Variants in ARHGAP28 observed in about 807,000 individuals in gnomAD.
ARHGAP28 encodes Rho GTPase activating protein 28.
In ARHGAP28, 56 loss-of-function variants were observed where a neutral mutation model predicts 90.7. The observed-to-expected ratio is 0.62, with a 90% CI of 0.50 to 0.77. The LOEUF (loss-of-function observed/expected upper bound fraction) is 0.77, where lower values mean the gene tolerates loss of function less well. Ranked by LOEUF, ARHGAP28 falls within the 30% of genes least tolerant of loss-of-function variation. The probability of loss-of-function intolerance (pLI) is 0.00; values close to 1 mark genes in which losing one functional copy is unlikely to be tolerated. For synonymous variants in ARHGAP28, 308 were observed against 323.3 expected, an observed-to-expected ratio of 0.95 and a Z score of 0.51; for missense variants, 869 against 900.9, an observed-to-expected ratio of 0.96 and a Z score of 0.45.
intron 16 of ARHGAP28, among the ~76,000 whole-genome samples, chr18:6,907,401 A>C (rs1454984612): frequency 6.6e-6 from 1 of 151,808 alleles, no homozygotes; most frequent in Non-Finnish European, 1.5e-5. Flanking sequence ...CTGGAAAAAA[A>C]AAAAAAAAGC....
At chr18:6,840,480 A>G (rs981638254) in intron 3 of ARHGAP28, among the ~76,000 whole-genome samples, 2 of 152,184 alleles carry the variant, frequency 1.3e-5, no homozygotes, top group African/African-American at 2.4e-5. Flanking sequence ...TTCTTCTTTC[A>G]TTTAGACCAC....
intron 1 of ARHGAP28, among the ~76,000 whole-genome samples, chr18:6,799,326 G>A (rs1023047478): frequency 6.6e-6 from 1 of 152,082 alleles, no homozygotes; most frequent in Non-Finnish European, 1.5e-5. Context: ...GTAATTTGTA[G>A]ATTCAGTGCT....
At chr18:6,829,610 A>G (rs1429445373) in intron 2 of ARHGAP28, among the ~76,000 whole-genome samples, 1 of 152,238 alleles carries the variant, frequency 6.6e-6, no homozygotes, top group African/African-American at 2.4e-5. Flanking sequence ...CAAGATAGAT[A>G]ACATTTCAGT....
At chr18:6,840,926 T>G (rs1241687596) in intron 3 of ARHGAP28, among the ~76,000 whole-genome samples, 6 of 152,078 alleles carry the variant, frequency 3.9e-5, no homozygotes, top group Non-Finnish European at 8.8e-5. Flanking sequence ...TGAAAAAATA[T>G]TTACAATATA....
chr18:6,794,585 T>C (rs1050934680), intron 1 of ARHGAP28, among the ~76,000 whole-genome samples: 7 of 152,360 alleles, frequency 4.6e-5, no homozygotes, highest in African/African-American at 1.7e-4. Flanking sequence ...TAAATTCTTT[T>C]AGATTTGCTT....
At chr18:6,867,972 A>G (rs1567975733) in intron 5 of ARHGAP28, among the ~76,000 whole-genome samples, 178 bp from the exon 6 acceptor site, 1 of 152,236 alleles carries the variant, frequency 6.6e-6, no homozygotes, top group Non-Finnish European at 1.5e-5. Flanking sequence ...TGTAAGCTGC[A>G]CACATCCAAA....
chr18:6,840,300 G>A (rs1333688984), intron 3 of ARHGAP28, among the ~76,000 whole-genome samples: 2 of 152,124 alleles, frequency 1.3e-5, no homozygotes, highest in Non-Finnish European at 2.9e-5. Flanking sequence ...AGATGCTTCA[G>A]ACTTTGAATT....
chr18:6,839,598 T>G (rs971342369), intron 3 of ARHGAP28, among the ~76,000 whole-genome samples: 4 of 152,180 alleles, frequency 2.6e-5, no homozygotes, highest in Admixed American at 1.3e-4. Context: ...CGCCCGGCCA[T>G]AATTTTTTTA....
intron 4 of ARHGAP28, among the ~76,000 whole-genome samples, chr18:6,851,777 G>C (rs1212661713): frequency 6.6e-6 from 1 of 152,148 alleles, no homozygotes; most frequent in African/African-American, 2.4e-5. Flanking sequence ...TAATTATACT[G>C]TGTGAAAGAA....
intron 16 of ARHGAP28, among the ~76,000 whole-genome samples, chr18:6,900,565 C>T (rs1031547185): frequency 3.0e-4 from 46 of 151,752 alleles, no homozygotes; most frequent in African/African-American, 9.7e-4. Context: ...AAGATAACAG[C>T]GGATAGAATT....
chr18:6,730,041 A>C (rs1171652211), intron 1 of ARHGAP28, 98 bp downstream of exon 1: 3 of 1,187,698 alleles, frequency 2.5e-6, no homozygotes, highest in Non-Finnish European at 3.2e-6. Flanking sequence ...GACCGCCGTC[A>C]CTGGATGTTG....
chr18:6,861,092 T>G (rs1195894035), intron 5 of ARHGAP28, among the ~76,000 whole-genome samples: 1 of 152,246 alleles, frequency 6.6e-6, no homozygotes, highest in Non-Finnish European at 1.5e-5. Context: ...TGACCTGCAG[T>G]AGATCTTACA....
At chr18:6,871,018 T>C (rs1171500785) in intron 7 of ARHGAP28, among the ~76,000 whole-genome samples, 1 of 152,210 alleles carries the variant, frequency 6.6e-6, no homozygotes, top group Non-Finnish European at 1.5e-5. Flanking sequence ...GCCAGGATGG[T>C]CTCGATCTCC....
chr18:6,900,698 T>C (rs2057333903), intron 16 of ARHGAP28, among the ~76,000 whole-genome samples: 1 of 85,984 alleles, frequency 1.2e-5, no homozygotes, highest in South Asian at 4.9e-4. Context: ...GAGCTAAATA[T>C]CATACAATCA....
At chr18:6,743,597 T>C (rs548314997) in intron 1 of ARHGAP28, among the ~76,000 whole-genome samples, 68 of 152,242 alleles carry the variant, frequency 4.5e-4, no homozygotes, top group African/African-American at 1.6e-3. Context: ...ATAACATGCA[T>C]AGAAATAAGA....
chr18:6,898,332 C>G, intron 16 of ARHGAP28: 1 of 581,850 alleles, frequency 1.7e-6, no homozygotes, highest in Non-Finnish European at 2.9e-6. Flanking sequence ...GATGTGTTCA[C>G]TTTGTGAAAA....
At chr18:6,764,100 T>C (rs2056182355) in intron 1 of ARHGAP28, among the ~76,000 whole-genome samples, 1 of 152,142 alleles carries the variant, frequency 6.6e-6, no homozygotes, top group African/African-American at 2.4e-5. Flanking sequence ...GGAGTCCTCG[T>C]AGACATGAAA....
chr18:6,828,471 T>G (rs763434532), intron 2 of ARHGAP28, among the ~76,000 whole-genome samples: 16 of 152,306 alleles, frequency 1.1e-4, no homozygotes, highest in Middle Eastern at 3.4e-3. Flanking sequence ...GAAATTGCCT[T>G]TGGGAACTTG....
intron 4 of ARHGAP28, among the ~76,000 whole-genome samples, chr18:6,851,447 A>T (rs1326293899): frequency 6.6e-6 from 1 of 152,236 alleles, no homozygotes; most frequent in Admixed American, 6.5e-5. Flanking sequence ...AGTGCCAAAG[A>T]TTCAGAGCAA....
Sources: allele counts gnomAD v4.1 joint callset (sites outside exome capture counted in the v4.1 genomes callset), GRCh38; gene constraint gnomAD v4.1.1; transcripts MANE v1.5; gene names NCBI Gene and HGNC (gene_info 2026-07-23, HGNC 2026-07-21).